EIF4E3: variants seen among roughly 807,000 people sequenced by gnomAD.
EIF4E3 encodes the protein eukaryotic translation initiation factor 4E family member 3, also known as eukaryotic translation initiation factor 4E type 3.
A neutral mutation model predicts 31.7 loss-of-function variants in EIF4E3; 26 were observed. The ratio of observed to expected loss-of-function variants is 0.82; its 90% CI spans 0.60 to 1.14. The LOEUF is 1.14. EIF4E3 is among the 50% of genes most tolerant of loss of function. The pLI, the probability that EIF4E3 is intolerant of heterozygous loss-of-function variation, is 0.00. For synonymous variants in EIF4E3, 128 were observed against 107.7 expected (o/e 1.19, Z -1.17); for missense variants, 304 against 270.9 (o/e 1.12, Z -0.86).
At chr3:71,733,841 A>G (rs2049732825) in intron 1 of EIF4E3, among the ~76,000 whole-genome samples, 1 of 152,226 alleles carries the variant, frequency 6.6e-6, no homozygotes, top group Non-Finnish European at 1.5e-5. Flanking sequence ...GTAAAGGAAA[A>G]TAAAGCAATT....
In EIF4E3 at chr3:71,737,768, A is replaced by AAAACAAAC. The variant is rs572309367; in HGVS notation, c.-290-9153_-290-9146dup. Among the ~76,000 whole-genome samples, 216 of 152,020 alleles carry AAAACAAAC rather than the reference A, an allele frequency of 1.4e-3. 2 individuals carry two copies. Among genetic ancestry groups the AAAACAAAC allele is most frequent in the African/African-American group, 5.1e-3 (210 of 41,444 alleles). On this transcript the variant is annotated intron_variant, in intron 1 of 7. Transcript: ENST00000295612. ...TAGCAAGAACTCTCATCTCTACCAA[A>AAAACAAAC]AAACAAACAAACAAACAAACAAACA...
At chr3:71,660,338 AAAAG>A in the EIF4E3 span, among the ~76,000 whole-genome samples, 6 of 152,180 alleles carry the variant, frequency 3.9e-5, no homozygotes, top group South Asian at 6.2e-4. Flanking sequence ...GCTGAAAAAA[AAAAG>A]AAAGAAAGAA....
rs1176979715 is a variant in EIF4E3 at position 71,678,878 on chromosome 3, T to C, written c.*5804A>G. The stretch of plus-strand genomic sequence containing the variant: ...TAATGTTAGCTGTCTCAAGCTAAAG[T>C]ATGCTCACTAGTTTAAATTTTGAAA... On this transcript the variant is annotated 3_prime_UTR_variant, in exon 7 of 7. Coordinates refer to ENST00000425534, the MANE Select transcript of EIF4E3 (RefSeq NM_001134651.2). 6.6e-6 allele frequency: 1 copy of C among 152,224 alleles called. No individual in the cohort carries two copies. 9.4% of individuals were successfully genotyped at this position (152,224 alleles called of 1,614,324 possible). A position where few individuals can be genotyped will look rare whatever the true frequency, so the allele number is the denominator to read the frequency against.
At chr3:71,671,806 ATT>A (rs10711091), downstream of EIF4E3, among the ~76,000 whole-genome samples, 272 of 147,432 alleles carry the variant, frequency 1.8e-3, 1 homozygote, top group Non-Finnish European at 3.4e-3. Flanking sequence ...TAAACCCTCC[ATT>A]TTTTTTTTTG....
At chr3:71,690,309 G>A (rs2049048111) in intron 5 of EIF4E3, 144 bp from the exon 6 acceptor site, 3 of 940,378 alleles carry the variant, frequency 3.2e-6, no homozygotes, top group Non-Finnish European at 4.5e-6. Flanking sequence ...AGAAATAATT[G>A]TTTCTATGGG....
chr3:71,694,376 A>G (rs2049105343), intron 4 of EIF4E3, among the ~76,000 whole-genome samples: 1 of 152,246 alleles, frequency 6.6e-6, no homozygotes, highest in Non-Finnish European at 1.5e-5. Context: ...GGTACTTAAA[A>G]GGTTACACAA....
upstream of EIF4E3, among the ~76,000 whole-genome samples, chr3:71,727,821 C>T (rs2108129610): frequency 6.6e-6 from 1 of 152,298 alleles, no homozygotes; most frequent in African/African-American, 2.4e-5. Context: ...TTAGCTCCTT[C>T]CTTATGTCCT....
intron 1 of EIF4E3, among the ~76,000 whole-genome samples, chr3:71,734,951 T>C (rs1392145104): frequency 1.3e-5 from 2 of 152,180 alleles, no homozygotes; most frequent in East Asian, 1.9e-4. Context: ...CATCATCCCA[T>C]GTTAAAAAGA....
At chr3:71,733,445 T>G (rs2049728053) in intron 1 of EIF4E3, among the ~76,000 whole-genome samples, 1 of 152,220 alleles carries the variant, frequency 6.6e-6, no homozygotes. Context: ...TCTGAGGAAG[T>G]GTATTGTGCT....
At chr3:71,660,822 C>T in the EIF4E3 span, among the ~76,000 whole-genome samples, 5 of 152,100 alleles carry the variant, frequency 3.3e-5, no homozygotes, top group Non-Finnish European at 7.4e-5. Context: ...GTGAGCACTT[C>T]GTGGTAACCA....
chr3:71,754,021 G>A, upstream of EIF4E3: 3 of 1,139,534 alleles, frequency 2.6e-6, no homozygotes, highest in Non-Finnish European at 2.2e-6. This position sits in a 1 kb window ranked among gnomAD's most constrained non-coding sequence, Gnocchi z 5.8. Context: ...ACGGCCCCGG[G>A]GCGGAGCGCA....
intron 6 of EIF4E3, among the ~76,000 whole-genome samples, chr3:71,688,177 A>T (rs543243396): frequency 6.6e-6 from 1 of 152,254 alleles, no homozygotes; most frequent in East Asian, 1.9e-4. Context: ...TAACTGGCCA[A>T]GTTGCAGTTT....
At chr3:71,691,959 C>T (rs1206956816) in intron 5 of EIF4E3, among the ~76,000 whole-genome samples, 1 of 152,182 alleles carries the variant, frequency 6.6e-6, no homozygotes, top group African/African-American at 2.4e-5. Context: ...ATGTTCATGT[C>T]TCCAGTCTTT....
intron 3 of EIF4E3, 83 bp from the exon 4 acceptor site, chr3:71,696,603 T>G: frequency 7.2e-6 from 11 of 1,518,088 alleles, no homozygotes; most frequent in Non-Finnish European, 8.2e-6. Flanking sequence ...CTTCATACAT[T>G]TAGTTTAACA....
chr3:71,693,913 G>T lies in EIF4E3; in HGVS notation c.434C>A (p.Ala145Glu). 1 of 1,585,928 alleles carries T rather than the reference G, an allele frequency of 6.3e-7. No homozygotes were observed. The highest frequency in any genetic ancestry group is 8.6e-7 in the Non-Finnish European group (1 of 1,165,898). The change falls in exon 5 of 7, where the codon GCA (alanine) becomes GAA (glutamate). Residue 145 changes from alanine to glutamate, a missense_variant. Coordinates refer to ENST00000425534, the MANE Select transcript of EIF4E3 (RefSeq NM_001134651.2). Reference protein sequence around the residue: ...TSTVWKELLLATIGEQFTDCA... With the variant: ...TSTVWKELLLETIGEQFTDCA... ...GTCTGTGAACTGTTCCCCGATGGTT[G>T]CTAACAGCAACTCTTTCCAAACTGT... is the stretch of plus-strand genomic sequence containing the variant.
chr3:71,725,838 AG>A (rs1414256821), upstream of EIF4E3, among the ~76,000 whole-genome samples: 2 of 152,032 alleles, frequency 1.3e-5, no homozygotes, highest in African/African-American at 2.4e-5. The surrounding 1 kb of genome is among the most constrained non-coding windows in gnomAD (Gnocchi z 6.1). Flanking sequence ...CGAGGGAAGG[AG>A]GGATGGACAG....
chr3:71,722,073 T>C (rs1268004002), intron 1 of EIF4E3, among the ~76,000 whole-genome samples: 2 of 116,464 alleles, frequency 1.7e-5, no homozygotes, highest in Non-Finnish European at 3.2e-5. Flanking sequence ...ATGGTTCCTG[T>C]AAGCCCTTTG....
intron 1 of EIF4E3, among the ~76,000 whole-genome samples, chr3:71,715,149 G>A (rs2049446003): frequency 6.6e-6 from 1 of 152,190 alleles, no homozygotes; most frequent in Admixed American, 6.5e-5. Context: ...CTGGCATGTG[G>A]TGGGTAGAAG....
At chr3:71,660,735 A>G in the EIF4E3 span, among the ~76,000 whole-genome samples, 1 of 152,222 alleles carries the variant, frequency 6.6e-6, no homozygotes. Flanking sequence ...AATTAATTAT[A>G]GGACAGACAC....
Sources: allele counts gnomAD v4.1 joint callset (sites outside exome capture counted in the v4.1 genomes callset), GRCh38; gene constraint gnomAD v4.1.1; non-coding constraint Gnocchi (gnomAD v3.1); transcripts MANE v1.5; gene names NCBI Gene and HGNC (gene_info 2026-07-23, HGNC 2026-07-21).